USP25: variants seen among roughly 807,000 people sequenced by gnomAD.
USP25 encodes ubiquitin specific peptidase 25.
A neutral mutation model predicts 158.5 loss-of-function variants in USP25; 85 were observed. The observed-to-expected ratio is 0.54, with a 90% CI of 0.45 to 0.64. The LOEUF (loss-of-function observed/expected upper bound fraction) is 0.64, where lower values mean the gene tolerates loss of function less well. Among genes scored for constraint, USP25 ranks in the 30% least tolerant of loss-of-function variants. The probability of loss-of-function intolerance (pLI) is 0.00; values close to 1 mark genes in which losing one functional copy is unlikely to be tolerated. For missense variants in USP25, 1,242 were observed against 1,327.3 expected (o/e 0.94, Z 1.00); for synonymous variants, 464 against 460.4 (o/e 1.01, Z -0.10).
chr21:15,741,132 ATT>A (rs71727540), intron 1 of USP25, among the ~76,000 whole-genome samples: 12 of 148,356 alleles, frequency 8.1e-5, no homozygotes, highest in Admixed American at 3.4e-4. Context: ...TTTATACCAA[ATT>A]TTTTTTTTTT....
intron 20 of USP25, among the ~76,000 whole-genome samples, chr21:15,860,522 T>C (rs1383072991): frequency 6.6e-6 from 1 of 152,184 alleles, no homozygotes; most frequent in East Asian, 1.9e-4. Context: ...GTATAGTTTT[T>C]TATTTCTTTG....
chr21:15,878,577 T>G lies in USP25; in HGVS notation c.*102T>G. On this transcript the variant is annotated 3_prime_UTR_variant, in exon 26 of 26. Transcript: ENST00000400183. ...TTGTTGCTGCTATAGTTTTTAACTT[T>G]TTTTTATTTTAATAACTGCAAAAGA... 1 of 1,289,178 alleles carries G rather than the reference T, an allele frequency of 7.8e-7. No individual in the cohort carries two copies. The highest frequency in any genetic ancestry group is 1.0e-6 in the Non-Finnish European group (1 of 969,106). 79.9% of individuals were successfully genotyped at this position (1,289,178 alleles called of 1,614,324 possible). A position where few individuals can be genotyped will look rare whatever the true frequency, so the allele number is the denominator to read the frequency against.
chr21:15,763,112 C>T (rs2033832962), intron 2 of USP25, 144 bp downstream of exon 2: 3 of 653,098 alleles, frequency 4.6e-6, no homozygotes, highest in South Asian at 7.1e-5. Flanking sequence ...GTAAAATCCT[C>T]AGTTAACACA....
intron 23 of USP25, among the ~76,000 whole-genome samples, chr21:15,870,853 G>A (rs935842563): frequency 1.3e-5 from 2 of 152,054 alleles, no homozygotes; most frequent in Non-Finnish European, 2.9e-5. Flanking sequence ...AGGTAATGAT[G>A]CTTCTTTTTC....
At chr21:15,841,125 C>T (rs1425460466) in intron 17 of USP25, among the ~76,000 whole-genome samples, 1 of 152,268 alleles carries the variant, frequency 6.6e-6, no homozygotes, top group African/African-American at 2.4e-5. Context: ...AGCATCCTCA[C>T]CTCTGGTTTT....
At chr21:15,821,279 G>C (rs1046605251) in intron 10 of USP25, among the ~76,000 whole-genome samples, 2 of 151,946 alleles carry the variant, frequency 1.3e-5, no homozygotes, top group African/African-American at 4.8e-5. Flanking sequence ...CTTTACGTCA[G>C]TGTTTTTAAA....
intron 1 of USP25, among the ~76,000 whole-genome samples, chr21:15,756,443 A>G (rs111352316): frequency 9.2e-5 from 14 of 152,286 alleles, no homozygotes; most frequent in African/African-American, 3.4e-4. Flanking sequence ...CAGCAAGAGT[A>G]TAATAAATTC....
chr21:15,863,190 G>A (rs112911185), intron 20 of USP25, among the ~76,000 whole-genome samples: 1,683 of 151,692 alleles, frequency 0.011, 25 homozygotes, highest in Middle Eastern at 0.024. Flanking sequence ...ATTTCTATAT[G>A]GTCAGATATT....
intron 1 of USP25, among the ~76,000 whole-genome samples, chr21:15,743,650 A>G (rs929768954): frequency 2.0e-5 from 3 of 152,210 alleles, no homozygotes; most frequent in African/African-American, 7.2e-5. Flanking sequence ...TTTTCACTCC[A>G]GCTGTGGACT....
chr21:15,816,796 G>GA lies in USP25; in HGVS notation c.932-1892dup, dbSNP rs112684819. On this transcript the variant is annotated intron_variant, in intron 9 of 25. Transcript: ENST00000400183. This position sits in a 1 kb window ranked among gnomAD's most constrained non-coding sequence, Gnocchi z 4.0. ...TTTCCACTGCTACCTCAAAACTAAA[G>GA]AAAAAAAAAATCCTGTGTTCTTACT... is the stretch of plus-strand genomic sequence containing the variant. Among the ~76,000 whole-genome samples the GA allele has an allele frequency of 1.1e-4, 16 of 149,126 alleles. 1 individual carries two copies. The East Asian group carries it at 2.0e-3, about 18-fold the overall frequency.
chr21:15,829,283 G>A (rs1418264311), intron 14 of USP25, among the ~76,000 whole-genome samples: 2 of 152,098 alleles, frequency 1.3e-5, no homozygotes. Flanking sequence ...GTACCTGATA[G>A]GTGGTTTTTC....
At chr21:15,742,326 G>A (rs2032141431) in intron 1 of USP25, among the ~76,000 whole-genome samples, 1 of 152,054 alleles carries the variant, frequency 6.6e-6, no homozygotes, top group African/African-American at 2.4e-5. Context: ...GCTGGGGAGG[G>A]GTGTGCAGAG....
At chr21:15,807,650 C>T (rs1203712956) in intron 7 of USP25, among the ~76,000 whole-genome samples, 1 of 152,190 alleles carries the variant, frequency 6.6e-6, no homozygotes, top group Non-Finnish European at 1.5e-5. Context: ...CTGTCTTCCT[C>T]TTCATGTGGC....
intron 4 of USP25, among the ~76,000 whole-genome samples, chr21:15,790,192 C>G (rs186719252): frequency 5.3e-5 from 8 of 152,158 alleles, no homozygotes; most frequent in Non-Finnish European, 2.9e-5. Flanking sequence ...TTTCGTGAAA[C>G]AAGCCTAGAG....
intron 5 of USP25, among the ~76,000 whole-genome samples, chr21:15,794,639 A>G (rs940954910): frequency 6.6e-6 from 1 of 151,532 alleles, no homozygotes; most frequent in Non-Finnish European, 1.5e-5. Context: ...TTTGCTTGTC[A>G]TAGTCCCTTT....
chr21:15,769,082 A>G (rs2034203200), intron 3 of USP25, among the ~76,000 whole-genome samples: 1 of 152,088 alleles, frequency 6.6e-6, no homozygotes, highest in Admixed American at 6.6e-5. Context: ...TTAAACTAAT[A>G]TCACATGGAA....
intron 22 of USP25, among the ~76,000 whole-genome samples, chr21:15,867,471 A>C (rs1430232647): frequency 6.6e-6 from 1 of 152,168 alleles, no homozygotes; most frequent in Non-Finnish European, 1.5e-5. Flanking sequence ...ATAGGAAATA[A>C]TAAAACTGCA....
chr21:15,812,530 A>G (rs955227921), intron 9 of USP25, among the ~76,000 whole-genome samples: 4 of 152,096 alleles, frequency 2.6e-5, no homozygotes, highest in African/African-American at 9.7e-5. Context: ...AGGCGCCTGT[A>G]GTCCCAGCTA....
chr21:15,762,867 AT>A, intron 1 of USP25, 23 bp from the exon 2 acceptor site: 1 of 1,598,908 alleles, frequency 6.3e-7, no homozygotes, highest in Admixed American at 1.7e-5. Context: ...GAATATAATG[AT>A]TTTGGGTTTT....
Sources: gnomAD v4.1 joint callset for allele counts (sites outside exome capture counted in the v4.1 genomes callset) on GRCh38, gnomAD v4.1.1 for gene constraint, Gnocchi (gnomAD v3.1) non-coding constraint, MANE v1.5 for transcripts, NCBI Gene and HGNC (gene_info 2026-07-23, HGNC 2026-07-21) for gene names.